Variants in KMT2A observed in about 807,000 individuals in gnomAD.
KMT2A encodes the protein lysine methyltransferase 2A, also known as histone-lysine N-methyltransferase 2A.
KMT2A carries 16 observed loss-of-function variants against 345.3 expected under a neutral mutation model. The ratio of observed to expected loss-of-function variants is 0.05; its 90% CI spans 0.03 to 0.07. The LOEUF is 0.07. Ranked by LOEUF, KMT2A falls within the 10% of genes least tolerant of loss-of-function variation. KMT2A has a pLI of 1.00. For synonymous variants in KMT2A, 1,599 were observed against 1,778.6 expected (o/e 0.90, Z 2.54); for missense variants, 3,272 against 4,841.6 (o/e 0.68, Z 9.62).
intron 31 of KMT2A, among the ~76,000 whole-genome samples, chr11:118,513,707 G>T (rs1950738704): frequency 6.6e-6 from 1 of 151,940 alleles, no homozygotes; most frequent in African/African-American, 2.4e-5. Context: ...ATCTTGGGAG[G>T]ATTGTTTGAG....
intron 1 of KMT2A, among the ~76,000 whole-genome samples, chr11:118,441,358 G>A (rs964252630): frequency 3.9e-5 from 6 of 152,122 alleles, no homozygotes; most frequent in Admixed American, 6.5e-5. Flanking sequence ...GAAAGTTTTC[G>A]TTGTGTGGAA....
At position 118,472,478 on chromosome 11, in the gene KMT2A, T is replaced by C. The variant is rs374085090; in HGVS notation, c.1319T>C (p.Ile440Thr). The C allele has an allele frequency of 5.0e-6, 8 of 1,613,254 alleles. No individual in the cohort carries two copies. Among genetic ancestry groups the C allele is most frequent in the Non-Finnish European group, 6.8e-6 (8 of 1,179,854 alleles). The stretch of plus-strand genomic sequence containing the variant: ...GAGGATTATGACCCTCCAATTAAAA[T>C]TGCCCGATTAGAGTCTACACCGAAT... The part of the protein sequence containing the change: ...EDEDYDPPIK[I>T]ARLESTPNSR... The change falls in exon 3 of 36, where the codon ATT becomes ACT. Residue 440 changes from isoleucine (I) to threonine (T), a missense_variant. Around this residue, in one of 27 missense-constraint regions of KMT2A, gnomAD observed 180 missense variants for 190.7 expected, o/e 0.94. Transcript: ENST00000534358.
rs782661777 is a variant in KMT2A, at chr11:118,507,558, A to G, written c.10784A>G (p.Asp3595Gly). Residue 3595 changes from aspartate (D) to glycine (G), a missense_variant, in exon 28 of 36, where the codon GAT becomes GGT. By Grantham distance (94) the Asp-to-Gly change is moderately conservative (BLOSUM62 -1). This residue lies in a region of KMT2A where 748 missense variants were observed against 922.2 expected (regional missense o/e 0.81). Coordinates refer to ENST00000534358, the MANE Select transcript of KMT2A (RefSeq NM_001197104.2). ...GTPGAEAEQQ[D>G]TASVEQSSQK... ...CCAGGAGCAGAGGCTGAGCAGCAGGATACAGCTAGCGTGGAGCAGTCCTCC... is the reference window on the plus strand; with the variant it reads ...CCAGGAGCAGAGGCTGAGCAGCAGGGTACAGCTAGCGTGGAGCAGTCCTCC... 1.9e-6 allele frequency: 3 copies of G among 1,614,188 alleles called. No homozygotes were observed. The South Asian group carries it at 3.3e-5, about 18-fold the overall frequency.
Position 118,507,628 on chromosome 11 carries a change from C to CT in KMT2A, c.10835+23dup. Reference sequence around the variant, plus strand: ...CTGCAGGGTAAGCTGAAGAATTCGTCTTTTAAGACTAAGCTCTCAGTTTTG... The same window carrying CT: ...CTGCAGGGTAAGCTGAAGAATTCGTCTTTTTAAGACTAAGCTCTCAGTTTTG... On this transcript the variant is annotated intron_variant, in intron 28 of 35. Coordinates refer to ENST00000534358, the MANE Select transcript of KMT2A (RefSeq NM_001197104.2). The CT allele has an allele frequency of 1.9e-6, 3 of 1,594,534 alleles. No individual in the cohort carries two copies. Among genetic ancestry groups the CT allele is most frequent in the Non-Finnish European group, 2.6e-6 (3 of 1,162,302 alleles).
At chr11:118,478,525 A>T (rs1950077057) in intron 5 of KMT2A, among the ~76,000 whole-genome samples, 2 of 152,198 alleles carry the variant, frequency 1.3e-5, no homozygotes, top group African/African-American at 4.8e-5. Flanking sequence ...GTGACTGAGG[A>T]ACCACACTGT....
At position 118,502,918 on chromosome 11, in the gene KMT2A, A is replaced by G. The variant is rs1950523604; in HGVS notation, c.7026A>G (p.Thr2342=). The change falls in exon 27 of 36, where the codon ACA becomes ACG. Residue 2342 remains threonine, a synonymous_variant. Coordinates refer to ENST00000534358, the MANE Select transcript of KMT2A (RefSeq NM_001197104.2). The surrounding 1 kb of genome is among the most constrained non-coding windows in gnomAD (Gnocchi z 4.9). ...TGGCCCCACAGGTTCATAACACAAC[A>G]TCTAGAGAACTGAATGTTAGTAAAA... ...PKLAPQVHNT[T]SRELNVSKIG... 1.2e-6 allele frequency: 2 copies of G among 1,614,206 alleles called. No individual in the cohort carries two copies. Among genetic ancestry groups the G allele is most frequent in the African/African-American group, 1.3e-5 (1 of 75,044 alleles).
chr11:118,446,617 G>A (rs1949427276), intron 1 of KMT2A, among the ~76,000 whole-genome samples: 6 of 152,048 alleles, frequency 3.9e-5, no homozygotes, highest in Admixed American at 6.5e-5. Flanking sequence ...TTATATTATT[G>A]TAGTGTTTCT....
At chr11:118,450,394 T>C (rs546945595) in intron 1 of KMT2A, 1 of 152,340 alleles carries the variant, frequency 6.6e-6, no homozygotes, top group African/African-American at 2.4e-5. Flanking sequence ...CCTGTCTCAT[T>C]TGCTTTGCTG....
At chr11:118,499,220 C>G (rs1173910882) in intron 22 of KMT2A, 83 bp from the exon 23 acceptor site, 2 of 854,960 alleles carry the variant, frequency 2.3e-6, no homozygotes, top group Non-Finnish European at 4.0e-6. Flanking sequence ...ATGCTATGTG[C>G]CTTCCACTCT....
rs541497025 is a variant in KMT2A at position 118,468,525 on chromosome 11, A to G, written c.433-250A>G. On this transcript the variant is annotated intron_variant, in intron 1 of 35. Transcript: ENST00000534358. ...AAATTAGGACTATCCTCTGTGTACT[A>G]TGCACCAAAGATGACATTTCAATGC... 5.9e-5 allele frequency among the ~76,000 whole-genome samples: 9 copies of G among 152,304 alleles called. No individual in the cohort carries two copies. In the South Asian group the frequency reaches 8.3e-4, roughly 14 times the overall value.
At chr11:118,468,039 AGGTAAG>A (rs1949877968) in intron 1 of KMT2A, among the ~76,000 whole-genome samples, 1 of 152,112 alleles carries the variant, frequency 6.6e-6, no homozygotes, top group Non-Finnish European at 1.5e-5. Context: ...TTAAAATTAG[AGGTAAG>A]CAGAAGCTTT....
At chr11:118,464,694 T>C (rs1374557209) in intron 1 of KMT2A, among the ~76,000 whole-genome samples, 3 of 152,140 alleles carry the variant, frequency 2.0e-5, no homozygotes, top group African/African-American at 7.2e-5. Flanking sequence ...TGAAGAATTG[T>C]AACAGGAGAT....
chr11:118,443,815 A>G (rs1470315173), intron 1 of KMT2A, among the ~76,000 whole-genome samples: 2 of 152,222 alleles, frequency 1.3e-5, no homozygotes, highest in Non-Finnish European at 2.9e-5. Context: ...AGTGGGCAGC[A>G]TCGGTCCAGT....
chr11:118,518,449 A>G lies in KMT2A; in HGVS notation c.11147-1169A>G, dbSNP rs1185776157. 3.9e-5 allele frequency among the ~76,000 whole-genome samples: 6 copies of G among 152,194 alleles called. No individual in the cohort carries two copies. In the East Asian group the frequency reaches 1.2e-3, roughly 29 times the overall value. On this transcript the variant is annotated intron_variant, in intron 31 of 35. Coordinates refer to ENST00000534358, the MANE Select transcript of KMT2A (RefSeq NM_001197104.2). ...CACACATTCATCATAACAACACAAG[A>G]GTTCTGTGTTAGGGGTGTATTAACA...
In KMT2A at chr11:118,505,085, G is replaced by A; in HGVS notation, c.9193G>A (p.Ala3065Thr). ...DSPGPSQISN[A>T]AVQTTPPHLK... is the part of the protein sequence containing the mutation. ...TCCTGGCCCGTCTCAGATTTCCAAT[G>A]CAGCTGTCCAGACCACTCCACCCCA... Residue 3065 changes from alanine to threonine, a missense_variant, in exon 27 of 36, where the codon GCA (alanine) becomes ACA (threonine). By Grantham distance (58) the Ala-to-Thr change is moderately conservative. Coordinates refer to ENST00000534358, the MANE Select transcript of KMT2A (RefSeq NM_001197104.2). The surrounding 1 kb of genome is among the most constrained non-coding windows in gnomAD (Gnocchi z 4.6). 1 of 1,614,108 alleles carries A rather than the reference G, an allele frequency of 6.2e-7. No individual in the cohort carries two copies. The highest frequency in any genetic ancestry group is 8.5e-7 in the Non-Finnish European group (1 of 1,180,030).
chr11:118,507,815 T>C (rs1950612795), intron 28 of KMT2A: 2 of 453,864 alleles, frequency 4.4e-6, no homozygotes, highest in African/African-American at 4.0e-5. Flanking sequence ...CAAAAAGAAT[T>C]AGCCGGGCGT....
At chr11:118,512,166 A>G in intron 31 of KMT2A, 141 bp downstream of exon 31, 1 of 660,298 alleles carries the variant, frequency 1.5e-6, no homozygotes. Flanking sequence ...CATATACCAT[A>G]CAGTTCACCC....
intron 5 of KMT2A, among the ~76,000 whole-genome samples, chr11:118,478,818 T>C (rs896423290): frequency 3.3e-5 from 5 of 152,126 alleles, no homozygotes; most frequent in Middle Eastern, 3.2e-3. Context: ...TGCAGTGACA[T>C]GATCATAGCT....
At position 118,497,876 on chromosome 11, in the gene KMT2A, G is replaced by A. The variant is rs542952116; in HGVS notation, c.5665-60G>A. The A allele has an allele frequency of 8.7e-6, 12 of 1,379,476 alleles. No individual in the cohort carries two copies. Among genetic ancestry groups the A allele is most frequent in the African/African-American group, 1.4e-5 (1 of 69,692 alleles). 85.5% of individuals were successfully genotyped at this position (1,379,476 alleles called of 1,614,324 possible). A position where few individuals can be genotyped will look rare whatever the true frequency, so the allele number is the denominator to read the frequency against. ...TATCTTCACTGGAAAAGCTAATGCC[G>A]AGGAAAACCTCCTTTGGCATTATAT... On this transcript the variant is annotated intron_variant, in intron 20 of 35. Transcript: ENST00000534358. This position sits in a 1 kb window ranked among gnomAD's most constrained non-coding sequence, Gnocchi z 4.8.
Sources: allele counts gnomAD v4.1 joint callset (sites outside exome capture counted in the v4.1 genomes callset), GRCh38; gene constraint gnomAD v4.1.1; regional missense constraint gnomAD v4.1.1; non-coding constraint Gnocchi (gnomAD v3.1); transcripts MANE v1.5; gene names NCBI Gene and HGNC (gene_info 2026-07-23, HGNC 2026-07-21).